Variants in PDCD6 observed in about 807,000 individuals in gnomAD.
The protein encoded by PDCD6 is programmed cell death protein 6.
In PDCD6, 12 loss-of-function variants were observed where a neutral mutation model predicts 28.3. The observed-to-expected ratio is 0.42, with a 90% confidence interval of 0.27 to 0.69. PDCD6 has a LOEUF of 0.69. Among genes scored for constraint, PDCD6 ranks in the 30% least tolerant of loss-of-function variants. The probability of loss-of-function intolerance (pLI) is 0.22; values close to 1 mark genes in which losing one functional copy is unlikely to be tolerated. For synonymous variants in PDCD6, 92 were observed against 108.0 expected, an observed-to-expected ratio of 0.85 and a Z score of 0.92; for missense variants, 226 against 269.9, an observed-to-expected ratio of 0.84 and a Z score of 1.14.
chr5:311,299 G>A lies in PDCD6; in HGVS notation c.374G>A (p.Arg125Gln), dbSNP rs776613586. The A allele has an allele frequency of 8.1e-6, 13 of 1,613,610 alleles. 1 individual carries two copies. The highest frequency in any genetic ancestry group is 3.3e-4 in the Middle Eastern group (2 of 6,082). ...CTGACTTTCCCTCTTGAAGGCTACC[G>A]GCTCTCTGACCAGTTCCACGACATC... ...LKQALSGFGY[R>Q]LSDQFHDILI... The change falls in exon 5 of 6, where the codon CGG (arginine) becomes CAG (glutamine). Residue 125 changes from arginine (R) to glutamine (Q), a missense_variant. Around this residue, in one of 3 missense-constraint regions of PDCD6, gnomAD observed 151 missense variants for 177.2 expected, o/e 0.85. Transcript: ENST00000264933.
At chr5:276,905 T>C in intron 2 of PDCD6, 1 of 984,712 alleles carries the variant, frequency 1.0e-6, no homozygotes, top group Non-Finnish European at 1.2e-6. Flanking sequence ...AAGACTGTTC[T>C]CTGCCCTTCT....
chr5:312,736 G>A (rs1741000586), intron 5 of PDCD6, among the ~76,000 whole-genome samples: 1 of 151,284 alleles, frequency 6.6e-6, no homozygotes, highest in Non-Finnish European at 1.5e-5. Context: ...CTTGAACCCG[G>A]GAGGTGGAGG....
At chr5:274,918 T>C (rs529086250) in intron 2 of PDCD6, among the ~76,000 whole-genome samples, 1 of 152,204 alleles carries the variant, frequency 6.6e-6, no homozygotes, top group South Asian at 2.1e-4. Context: ...TTGAGAGAAT[T>C]GCCTGATGGG....
chr5:290,347 C>T (rs1228319543), intron 2 of PDCD6: 2 of 1,117,972 alleles, frequency 1.8e-6, no homozygotes, highest in Non-Finnish European at 2.7e-6. Context: ...CTCACAGCCT[C>T]CGCCTCCCTC....
chr5:311,352 C>T lies in PDCD6; in HGVS notation c.427C>T (p.Arg143Trp), dbSNP rs767684079. The T allele has an allele frequency of 1.1e-5, 17 of 1,613,842 alleles. No homozygotes were observed. Among genetic ancestry groups the T allele is most frequent in the African/African-American group, 2.7e-5 (2 of 74,898 alleles). ...CATTCGAAAGTTTGACAGGCAGGGA[C>T]GGGGGCAGATTGCCTTCGACGACTT... The part of the protein sequence containing the change: ...ILIRKFDRQG[R>W]GQIAFDDFIQ... The change falls in exon 5 of 6, where the codon CGG becomes TGG. Residue 143 changes from arginine (R) to tryptophan (W), a missense_variant. Arg to Trp is a moderately radical substitution (Grantham distance 101). This residue lies in a region of PDCD6 where 151 missense variants were observed against 177.2 expected (regional missense o/e 0.85). Coordinates refer to ENST00000264933, the MANE Select transcript of PDCD6 (RefSeq NM_013232.4).
intron 2 of PDCD6, among the ~76,000 whole-genome samples, chr5:302,337 G>C (rs1740132603): frequency 6.8e-6 from 1 of 146,306 alleles, no homozygotes; most frequent in Non-Finnish European, 1.5e-5. Flanking sequence ...ACCTGCCTTT[G>C]TGGGAAGGGC....
At chr5:297,708 C>G (rs1296291991) in intron 2 of PDCD6, among the ~76,000 whole-genome samples, 4 of 152,180 alleles carry the variant, frequency 2.6e-5, no homozygotes, top group Non-Finnish European at 5.9e-5. Flanking sequence ...GAAAATGACA[C>G]CAGGCCTCCT....
intron 2 of PDCD6, among the ~76,000 whole-genome samples, chr5:274,200 GT>G (rs1738034923): frequency 6.6e-6 from 1 of 152,238 alleles, no homozygotes; most frequent in African/African-American, 2.4e-5. Flanking sequence ...CAGAGGCCAT[GT>G]TTCAGAGACA....
chr5:292,852 C>T (rs554882900), intron 2 of PDCD6, among the ~76,000 whole-genome samples: 1 of 152,318 alleles, frequency 6.6e-6, no homozygotes, highest in East Asian at 1.9e-4. Context: ...CCATGGTTGG[C>T]TCAGCTGAAC....
chr5:313,050 C>A (rs1741026688), intron 5 of PDCD6, among the ~76,000 whole-genome samples: 1 of 152,202 alleles, frequency 6.6e-6, no homozygotes, highest in Non-Finnish European at 1.5e-5. Context: ...CATCTGCAGC[C>A]AGCGTAGCTC....
chr5:287,708 T>C (rs1739059039), intron 2 of PDCD6, among the ~76,000 whole-genome samples: 3 of 152,192 alleles, frequency 2.0e-5, no homozygotes, highest in Admixed American at 1.3e-4. Flanking sequence ...TTTAATTCAC[T>C]TCAAAATGTC....
chr5:278,088 C>G (rs1308799993), intron 2 of PDCD6, among the ~76,000 whole-genome samples: 3 of 152,184 alleles, frequency 2.0e-5, no homozygotes, highest in Non-Finnish European at 1.5e-5. Context: ...CTCCCTTCCC[C>G]ACCTTTGTCC....
intron 2 of PDCD6, among the ~76,000 whole-genome samples, chr5:286,339 ATGT>A (rs1054990394): frequency 3.6e-4 from 53 of 147,538 alleles, no homozygotes; most frequent in African/African-American, 1.3e-3. Context: ...GGGGGAGCTG[ATGT>A]TGTTTTGAGA....
At chr5:313,312 C>T (rs1741045552) in intron 5 of PDCD6, among the ~76,000 whole-genome samples, 1 of 152,194 alleles carries the variant, frequency 6.6e-6, no homozygotes, top group African/African-American at 2.4e-5. Flanking sequence ...CTTCTAGAAA[C>T]CCTAGAAAAA....
At position 293,958 on chromosome 5, in the gene PDCD6, A is replaced by G. The variant is rs560880991; in HGVS notation, c.164-10219A>G. ...GTATGACAGGAAGAGCAGATCAAGAAGACGGGAACAGCACGAGGCACTGGG... is the reference window on the plus strand; with the variant it reads ...GTATGACAGGAAGAGCAGATCAAGAGGACGGGAACAGCACGAGGCACTGGG... On this transcript the variant is annotated intron_variant, in intron 2 of 5. Transcript: ENST00000264933. Among the ~76,000 whole-genome samples the G allele has an allele frequency of 4.0e-5, 5 of 124,944 alleles. No individual in the cohort carries two copies. The East Asian group carries it at 1.0e-3, about 26-fold the overall frequency. The allele number at this position is 124,944 out of a possible 152,430, so 82.0% of individuals were successfully genotyped here.
At chr5:294,237 A>G (rs76265983) in intron 2 of PDCD6, among the ~76,000 whole-genome samples, 27,385 of 138,408 alleles carry the variant, frequency 0.2, 4,848 homozygotes, top group African/African-American at 0.47. Flanking sequence ...ATAAAGCAAT[A>G]TAAAAATCTA....
Position 306,690 on chromosome 5 carries a change from C to A in PDCD6, c.297C>A (p.Phe99Leu), listed in dbSNP as rs1044096810. ...ACATCACGGACTGGCAGAACGTCTT[C>A]CGCACGTACGACCGGGACAACTCCG... ...WKYITDWQNV[F>L]RTYDRDNSGM... Residue 99 changes from phenylalanine (F) to leucine (L), a missense_variant, in exon 4 of 6, where the codon TTC becomes TTA. Physicochemically the swap from Phe to Leu is conservative, Grantham distance 22. Transcript: ENST00000264933. The A allele has an allele frequency of 6.2e-7, 1 of 1,614,078 alleles. No individual in the cohort carries two copies. The highest frequency in any genetic ancestry group is 8.5e-7 in the Non-Finnish European group (1 of 1,180,016).
chr5:303,163 G>A (rs535476720), intron 2 of PDCD6, among the ~76,000 whole-genome samples: 2 of 152,226 alleles, frequency 1.3e-5, no homozygotes, highest in South Asian at 4.1e-4. Context: ...TGAGCCCAGA[G>A]TGGTGGCACG....
At chr5:284,304 G>A (rs1738782892) in intron 2 of PDCD6, among the ~76,000 whole-genome samples, 1 of 151,940 alleles carries the variant, frequency 6.6e-6, no homozygotes, top group Non-Finnish European at 1.5e-5. Flanking sequence ...GAAGACTTGA[G>A]GAGGAGCTGA....
Sources: gnomAD v4.1 joint callset for allele counts (sites outside exome capture counted in the v4.1 genomes callset) on GRCh38, gnomAD v4.1.1 for gene constraint, gnomAD v4.1.1 regional missense constraint, MANE v1.5 for transcripts, NCBI Gene and HGNC (gene_info 2026-07-23, HGNC 2026-07-21) for gene names.